The following SUPT3H variants were observed in gnomAD, a reference collection of about 807,000 sequenced individuals.
SUPT3H encodes the protein transcription initiation protein SPT3 homolog.
SUPT3H carries 44 observed loss-of-function variants against 44.3 expected under a neutral mutation model. That is an observed-to-expected ratio of 0.99 (90% CI 0.78 to 1.28). The LOEUF is 1.28. Among genes scored for constraint, SUPT3H ranks in the 50% most tolerant of loss-of-function variants. SUPT3H has a pLI of 0.00. For missense variants in SUPT3H, 380 were observed against 387.1 expected (o/e 0.98, Z 0.15); for synonymous variants, 124 against 125.6 (o/e 0.99, Z 0.09).
chr6:44,885,786 G>C (rs1403365339), intron 10 of SUPT3H, among the ~76,000 whole-genome samples: 1 of 152,188 alleles, frequency 6.6e-6, no homozygotes, highest in Non-Finnish European at 1.5e-5. Context: ...GACGAGTTGA[G>C]AGAAGAAGGC....
At chr6:45,158,296 A>ATTTTTTTTTTTTTTTTTT (rs1489076667) in intron 2 of SUPT3H, among the ~76,000 whole-genome samples, 1 of 72,028 alleles carries the variant, frequency 1.4e-5, no homozygotes, top group African/African-American at 1.1e-4. Context: ...ATATATATAT[A>ATTTTTTTTTTTTTTTTTT]TATTTTTTTT....
At chr6:45,104,479 A>G (rs1428561518) in intron 3 of SUPT3H, among the ~76,000 whole-genome samples, 1 of 149,342 alleles carries the variant, frequency 6.7e-6, no homozygotes, top group African/African-American at 2.5e-5. Flanking sequence ...ACTATCTTTC[A>G]AATCATCCTT....
At position 45,124,434 on chromosome 6, in the gene SUPT3H, A is replaced by G. The variant is rs1030144435; in HGVS notation, c.102-18428T>C. Among the ~76,000 whole-genome samples the G allele has an allele frequency of 7.2e-4, 109 of 152,168 alleles. 1 individual carries two copies. Among genetic ancestry groups the G allele is most frequent in the African/African-American group, 2.2e-3 (91 of 41,508 alleles). ...CGAGGCAGGTGAATTACTTGAGGTC[A>G]GGCGTTCAAGACCAGCCTGGCCAAT... On this transcript the variant is annotated intron_variant, in intron 2 of 10. Coordinates refer to ENST00000371459, the MANE Select transcript of SUPT3H (RefSeq NM_003599.4).
At chr6:45,239,105 C>T (rs943884967) in intron 2 of SUPT3H, among the ~76,000 whole-genome samples, 4 of 152,208 alleles carry the variant, frequency 2.6e-5, no homozygotes, top group Admixed American at 2.6e-4. Context: ...GAGGTATTGA[C>T]TGCTTTTAAT....
intron 3 of SUPT3H, among the ~76,000 whole-genome samples, chr6:45,068,744 A>G (rs2153550025): frequency 6.6e-6 from 1 of 151,468 alleles, no homozygotes; most frequent in East Asian, 2.0e-4. Flanking sequence ...TTGGCTCCTC[A>G]TAGTGTGTGG....
intron 9 of SUPT3H, among the ~76,000 whole-genome samples, chr6:44,951,449 T>C (rs1435537892): frequency 7.2e-5 from 11 of 152,158 alleles, no homozygotes; most frequent in Non-Finnish European, 1.6e-4. Context: ...TGTTAGCTGC[T>C]GATTTTGTCA....
intron 2 of SUPT3H, among the ~76,000 whole-genome samples, chr6:45,335,577 C>G (rs778682014): frequency 9.3e-5 from 14 of 151,214 alleles, no homozygotes; most frequent in Non-Finnish European, 1.8e-4. Context: ...TTACAGATAT[C>G]TGTAACAACT....
chr6:44,907,522 C>T (rs1766302674), intron 10 of SUPT3H, among the ~76,000 whole-genome samples: 1 of 151,956 alleles, frequency 6.6e-6, no homozygotes, highest in Admixed American at 6.6e-5. Flanking sequence ...ACTAAAAATA[C>T]AAAAAGTTAA....
chr6:45,114,972 A>C (rs1331047057), intron 2 of SUPT3H, among the ~76,000 whole-genome samples: 22 of 152,306 alleles, frequency 1.4e-4, no homozygotes, highest in Admixed American at 1.4e-3. Flanking sequence ...CAACACGCTA[A>C]ATGAACATCT....
chr6:44,885,021 G>A (rs1385686490), intron 10 of SUPT3H, among the ~76,000 whole-genome samples: 1 of 152,166 alleles, frequency 6.6e-6, no homozygotes, highest in Admixed American at 6.5e-5. Context: ...TGCTAGCACA[G>A]CAGTCTGAAA....
At chr6:44,813,577 A>AG (rs1019694401) in intron 11 of SUPT3H, among the ~76,000 whole-genome samples, 6 of 33,438 alleles carry the variant, frequency 1.8e-4, no homozygotes, top group African/African-American at 8.6e-4. Flanking sequence ...AACCAAGAGG[A>AG]AAAAAAAAAA....
intron 2 of SUPT3H, among the ~76,000 whole-genome samples, chr6:45,126,716 A>G (rs1231406762): frequency 6.6e-6 from 1 of 152,234 alleles, no homozygotes; most frequent in Non-Finnish European, 1.5e-5. Context: ...AATTTAGAAT[A>G]AAAGATACAC....
intron 2 of SUPT3H, among the ~76,000 whole-genome samples, chr6:45,253,362 A>G (rs1772714518): frequency 6.6e-6 from 1 of 152,220 alleles, no homozygotes; most frequent in South Asian, 2.1e-4. Context: ...CAATGATCTG[A>G]TAACTATCTA....
At chr6:45,189,353 A>G (rs1001605419) in intron 2 of SUPT3H, among the ~76,000 whole-genome samples, 5 of 152,204 alleles carry the variant, frequency 3.3e-5, no homozygotes, top group African/African-American at 1.2e-4. Flanking sequence ...AGTCTCTAAA[A>G]TGAAAAATTT....
chr6:45,281,972 A>C (rs1778189304), intron 2 of SUPT3H, among the ~76,000 whole-genome samples: 1 of 152,220 alleles, frequency 6.6e-6, no homozygotes, highest in Admixed American at 6.5e-5. Context: ...ATACCCAGGC[A>C]AACAGGGTCT....
At chr6:45,278,846 AAATTATTCATGAATAAGAC>A (rs1212751918) in intron 2 of SUPT3H, among the ~76,000 whole-genome samples, 1 of 152,246 alleles carries the variant, frequency 6.6e-6, no homozygotes, top group Admixed American at 6.5e-5. Flanking sequence ...GGAGCACTGC[AAATTATTCATGAATAAGAC>A]AATAAACACA....
intron 10 of SUPT3H, among the ~76,000 whole-genome samples, chr6:44,889,100 C>T (rs1448145113): frequency 4.0e-5 from 6 of 151,604 alleles, no homozygotes; most frequent in Non-Finnish European, 7.4e-5. Context: ...CAAACCACTG[C>T]TCAATGAAAT....
At chr6:45,215,054 A>G (rs1000865481) in intron 2 of SUPT3H, among the ~76,000 whole-genome samples, 2 of 152,176 alleles carry the variant, frequency 1.3e-5, no homozygotes, top group Non-Finnish European at 2.9e-5. Flanking sequence ...TGGGCCACAA[A>G]GCCAATCACA....
chr6:44,820,350 C>A (rs1391061332), intron 11 of SUPT3H, among the ~76,000 whole-genome samples: 1 of 151,954 alleles, frequency 6.6e-6, no homozygotes, highest in Non-Finnish European at 1.5e-5. Flanking sequence ...TTAGGAAGTA[C>A]CAAAATGCAA....
Sources: gnomAD v4.1 joint callset for allele counts (sites outside exome capture counted in the v4.1 genomes callset) on GRCh38, gnomAD v4.1.1 for gene constraint, MANE v1.5 for transcripts, NCBI Gene and HGNC (gene_info 2026-07-23, HGNC 2026-07-21) for gene names.